The following ARMH1 variants were observed in gnomAD, a reference collection of about 807,000 sequenced individuals.
The protein encoded by ARMH1 is armadillo like helical domain containing 1.
In ARMH1, 34 loss-of-function variants were observed where a neutral mutation model predicts 50.2. The ratio of observed to expected loss-of-function variants is 0.68; its 90% CI spans 0.51 to 0.90. The LOEUF is 0.90. Among genes scored for constraint, ARMH1 ranks in the 40% least tolerant of loss-of-function variants. ARMH1 has a pLI of 0.00. For synonymous variants in ARMH1, 221 were observed against 224.2 expected, an observed-to-expected ratio of 0.99 and a Z score of 0.13; for missense variants, 538 against 553.9, an observed-to-expected ratio of 0.97 and a Z score of 0.29.
chr1:44,698,727 C>T (rs1178870217), intron 4 of ARMH1, among the ~76,000 whole-genome samples: 1 of 151,324 alleles, frequency 6.6e-6, no homozygotes, highest in Non-Finnish European at 1.5e-5. Flanking sequence ...GCAGGAGAAT[C>T]GCTTGAACAC....
chr1:44,679,388 C>T (rs568718295), intron 1 of ARMH1, among the ~76,000 whole-genome samples: 4 of 152,216 alleles, frequency 2.6e-5, no homozygotes, highest in Admixed American at 6.5e-5. Flanking sequence ...TTTCCAAAAG[C>T]CATTTTCCAT....
intron 6 of ARMH1, among the ~76,000 whole-genome samples, chr1:44,709,268 C>A (rs923585381): frequency 1.3e-5 from 2 of 152,150 alleles, no homozygotes; most frequent in Non-Finnish European, 2.9e-5. Flanking sequence ...CACCCTCTTC[C>A]TTCTCATCTC....
intron 6 of ARMH1, chr1:44,721,656 G>GA (rs1647160324): frequency 6.6e-6 from 1 of 152,228 alleles, no homozygotes; most frequent in East Asian, 1.9e-4. Flanking sequence ...TTGAGCATGG[G>GA]AGATGGAGGT....
In ARMH1 at chr1:44,725,095, C is replaced by T. The variant is rs1192468843; in HGVS notation, c.1129-41C>T. 2.6e-6 allele frequency: 4 copies of T among 1,551,230 alleles called. No homozygotes were observed. In the South Asian group the frequency reaches 4.8e-5, roughly 18 times the overall value. ...CAAGCCCAACTCCAAGTCCAGACTG[C>T]CCTGGCACCCCAGCCGGGTCCCCCT... On this transcript the variant is annotated intron_variant, in intron 10 of 11. Transcript: ENST00000535358.
chr1:44,694,699 G>A (rs545948955), intron 2 of ARMH1, among the ~76,000 whole-genome samples: 2 of 151,776 alleles, frequency 1.3e-5, no homozygotes, highest in South Asian at 2.1e-4. Flanking sequence ...TAGTAGAGAC[G>A]GGGTTTCACC....
intron 2 of ARMH1, among the ~76,000 whole-genome samples, chr1:44,690,812 G>A (rs757379708): frequency 6.6e-6 from 1 of 152,008 alleles, no homozygotes; most frequent in Non-Finnish European, 1.5e-5. Flanking sequence ...CTGAGTAGCT[G>A]AGACTACAGC....
Position 44,724,333 on chromosome 1 carries a change from C to T in ARMH1, c.861C>T (p.Leu287=), listed in dbSNP as rs1269027378. The change falls in exon 8 of 12, where the codon CTC becomes CTT. Residue 287 remains leucine, a synonymous_variant. Transcript: ENST00000535358. This position sits in a 1 kb window ranked among gnomAD's most constrained non-coding sequence, Gnocchi z 6.4. ...QAKILSDPSV[L]QLTPSLPMFL... is the part of the protein sequence containing the mutation. ...CCCCCTCCTCAGACCCCTCGGTTCT[C>T]CAGCTCACCCCCAGCCTGCCGATGT... 1 of 1,551,582 alleles carries T rather than the reference C, an allele frequency of 6.4e-7. No individual in the cohort carries two copies. Among genetic ancestry groups the T allele is most frequent in the Non-Finnish European group, 8.7e-7 (1 of 1,146,980 alleles).
intron 6 of ARMH1, among the ~76,000 whole-genome samples, chr1:44,709,637 A>C (rs1159907040): frequency 6.6e-6 from 1 of 150,764 alleles, no homozygotes; most frequent in Non-Finnish European, 1.5e-5. Flanking sequence ...ATGCCATTGC[A>C]CTCCAGCCTG....
intron 4 of ARMH1, among the ~76,000 whole-genome samples, chr1:44,699,828 T>G (rs1335450038): frequency 2.0e-5 from 3 of 150,512 alleles, no homozygotes; most frequent in Non-Finnish European, 4.4e-5. Context: ...CCTTTTCTTT[T>G]TCTATTTTTT....
chr1:44,675,499 T>C (rs1016575326), intron 1 of ARMH1, among the ~76,000 whole-genome samples: 1 of 150,880 alleles, frequency 6.6e-6, no homozygotes, highest in Non-Finnish European at 1.5e-5. Context: ...CTCTACAAAA[T>C]TAAAATTTTA....
Position 44,724,949 on chromosome 1 carries a change from G to C in ARMH1, c.1128+110G>C. 4.0e-6 allele frequency: 6 copies of C among 1,498,338 alleles called. No homozygotes were observed. 92.8% of individuals were successfully genotyped at this position (1,498,338 alleles called of 1,614,324 possible). A position where few individuals can be genotyped will look rare whatever the true frequency, so the allele number is the denominator to read the frequency against. On this transcript the variant is annotated intron_variant, in intron 10 of 11. Coordinates refer to ENST00000535358, the MANE Select transcript of ARMH1 (RefSeq NM_001145636.2). This position sits in a 1 kb window ranked among gnomAD's most constrained non-coding sequence, Gnocchi z 6.4. ...AGCGCGCCACATGCAGAGTGGACCT[G>C]GCCACCAGCTGCAGGAGGGACTGCT...
chr1:44,702,570 G>A (rs1646132262), intron 5 of ARMH1, among the ~76,000 whole-genome samples: 1 of 151,890 alleles, frequency 6.6e-6, no homozygotes, highest in African/African-American at 2.4e-5. Context: ...AAATTAGCTG[G>A]GCGTGGTGGT....
intron 6 of ARMH1, among the ~76,000 whole-genome samples, chr1:44,723,144 C>T (rs1268588964): frequency 6.6e-6 from 1 of 152,096 alleles, no homozygotes; most frequent in Non-Finnish European, 1.5e-5. Context: ...CTCCTGCCCC[C>T]TCTAGCTCTG....
intron 3 of ARMH1, among the ~76,000 whole-genome samples, chr1:44,697,748 C>G (rs1645876632): frequency 6.6e-6 from 1 of 152,148 alleles, no homozygotes; most frequent in Admixed American, 6.5e-5. Flanking sequence ...GTGACATACC[C>G]TGTCACCTCC....
intron 2 of ARMH1, among the ~76,000 whole-genome samples, chr1:44,692,720 A>G (rs929025942): frequency 1.1e-4 from 16 of 152,060 alleles, no homozygotes; most frequent in African/African-American, 3.4e-4. Flanking sequence ...AGGTTTACCC[A>G]AATGTTCTTT....
chr1:44,691,050 A>C (rs1179618284), intron 2 of ARMH1, among the ~76,000 whole-genome samples: 1 of 148,416 alleles, frequency 6.7e-6, no homozygotes, highest in East Asian at 2.1e-4. Context: ...ACCTGAGGTC[A>C]GGAGTTTGAG....
At chr1:44,706,323 T>C (rs1220377957) in intron 6 of ARMH1, among the ~76,000 whole-genome samples, 1 of 152,082 alleles carries the variant, frequency 6.6e-6, no homozygotes, top group Non-Finnish European at 1.5e-5. Context: ...GGGGACTGCC[T>C]GGTGAGGAGA....
chr1:44,693,760 A>G (rs1229040608), intron 2 of ARMH1, among the ~76,000 whole-genome samples: 1 of 152,112 alleles, frequency 6.6e-6, no homozygotes, highest in African/African-American at 2.4e-5. Flanking sequence ...CTGGCCCATC[A>G]TGGACTTTTT....
At chr1:44,720,040 C>CA (rs1473263389) in intron 6 of ARMH1, among the ~76,000 whole-genome samples, 6 of 151,754 alleles carry the variant, frequency 4.0e-5, no homozygotes, top group African/African-American at 1.5e-4. Context: ...ACTAAAAATA[C>CA]AAAAAAATTA....
Sources: allele counts gnomAD v4.1 joint callset (sites outside exome capture counted in the v4.1 genomes callset), GRCh38; gene constraint gnomAD v4.1.1; non-coding constraint Gnocchi (gnomAD v3.1); transcripts MANE v1.5; gene names NCBI Gene and HGNC (gene_info 2026-07-23, HGNC 2026-07-21).